Variants in ARHGAP32 observed in about 807,000 individuals in gnomAD.
ARHGAP32 encodes rho GTPase-activating protein 32.
Under a neutral mutation model 186.5 loss-of-function variants are expected in ARHGAP32, and 51 were observed. The observed-to-expected ratio is 0.27, with a 90% CI of 0.22 to 0.35. The LOEUF is 0.35. ARHGAP32 is among the 10% of genes least tolerant of loss of function. The pLI is 1.00. For missense variants in ARHGAP32, 2,186 were observed against 2,623.5 expected, an observed-to-expected ratio of 0.83 and a Z score of 3.64; for synonymous variants, 950 against 964.3, an observed-to-expected ratio of 0.99 and a Z score of 0.27.
chr11:129,091,941 G>A (rs1259276963), intron 6 of ARHGAP32, among the ~76,000 whole-genome samples: 1 of 151,998 alleles, frequency 6.6e-6, no homozygotes, highest in African/African-American at 2.4e-5. Context: ...CAAGAATACA[G>A]GAGTAAGCCA....
intron 1 of ARHGAP32, among the ~76,000 whole-genome samples, chr11:129,237,429 T>C (rs940009330): frequency 6.6e-6 from 1 of 152,160 alleles, no homozygotes; most frequent in African/African-American, 2.4e-5. Context: ...CTTTACATTC[T>C]AGTGGGGATT....
intron 1 of ARHGAP32, among the ~76,000 whole-genome samples, chr11:129,212,731 T>C (rs759353950): frequency 7.9e-5 from 12 of 152,188 alleles, no homozygotes; most frequent in Admixed American, 2.0e-4. Flanking sequence ...CAAAACTTCA[T>C]AGCATAACTT....
rs56090706 is a variant in ARHGAP32 at position 128,989,516 on chromosome 11, TCACACACA to T, written c.1196-1399_1196-1392del. 4.5e-3 allele frequency among the ~76,000 whole-genome samples: 623 copies of T among 139,036 alleles called. 1 individual carries two copies. Among genetic ancestry groups the T allele is most frequent in the African/African-American group, 4.9e-3 (178 of 36,608 alleles). 91.2% of individuals were successfully genotyped at this position (139,036 alleles called of 152,430 possible). A position where few individuals can be genotyped will look rare whatever the true frequency, so the allele number is the denominator to read the frequency against. Reference sequence around the variant, plus strand: ...CAATGCTTTTGTTTTGTTTTTTATTTCACACACACACACACACACACACACACACACAC... The same window carrying T: ...CAATGCTTTTGTTTTGTTTTTTATTTCACACACACACACACACACACACAC... On this transcript the variant is annotated intron_variant, in intron 12 of 22. Coordinates refer to ENST00000682385, the MANE Select transcript of ARHGAP32 (RefSeq NM_001378024.1).
At chr11:129,223,389 C>G (rs1944737437) in intron 1 of ARHGAP32, among the ~76,000 whole-genome samples, 1 of 152,154 alleles carries the variant, frequency 6.6e-6, no homozygotes, top group Non-Finnish European at 1.5e-5. Flanking sequence ...TTGTTTCTTA[C>G]ATTTTCCTTT....
chr11:129,112,235 TC>T (rs1227521346), intron 5 of ARHGAP32, among the ~76,000 whole-genome samples: 1 of 144,266 alleles, frequency 6.9e-6, no homozygotes, highest in Non-Finnish European at 1.5e-5. Flanking sequence ...AGAGCAAGAC[TC>T]AAAAAAAAAA....
In ARHGAP32 at chr11:129,238,465, A is replaced by C. The variant is rs935737909; in HGVS notation, c.-5+40681T>G. On this transcript the variant is annotated intron_variant, in intron 1 of 6. Transcript: ENST00000525234. Reference sequence around the variant, plus strand: ...AGGGATTTCATGCACTACTGGATTTACTAGTCATTTCAGCCTCCACTACCA... The same window carrying C: ...AGGGATTTCATGCACTACTGGATTTCCTAGTCATTTCAGCCTCCACTACCA... Among the ~76,000 whole-genome samples the C allele has an allele frequency of 5.9e-5, 9 of 152,206 alleles. No homozygotes were observed. In the East Asian group the frequency reaches 1.7e-3, roughly 29 times the overall value.
chr11:129,111,058 T>C (rs1942199047), intron 5 of ARHGAP32, among the ~76,000 whole-genome samples: 1 of 152,186 alleles, frequency 6.6e-6, no homozygotes, highest in African/African-American at 2.4e-5. Context: ...TGTTAGGTGT[T>C]GGTCTGTCAT....
chr11:129,187,117 T>G (rs1240381454), intron 1 of ARHGAP32, among the ~76,000 whole-genome samples: 1 of 152,196 alleles, frequency 6.6e-6, no homozygotes, highest in Non-Finnish European at 1.5e-5. Context: ...GCAACCTAAG[T>G]GTCCATCAAT....
At chr11:129,240,973 G>C (rs1431417612) in intron 1 of ARHGAP32, among the ~76,000 whole-genome samples, 3 of 152,204 alleles carry the variant, frequency 2.0e-5, no homozygotes, top group South Asian at 4.1e-4. Flanking sequence ...CCGTGGTTAA[G>C]AATATGGACT....
chr11:129,075,476 T>A (rs1941006717), intron 6 of ARHGAP32, among the ~76,000 whole-genome samples: 2 of 152,110 alleles, frequency 1.3e-5, no homozygotes, highest in South Asian at 4.1e-4. Context: ...AAAAACAGAC[T>A]ATGAAAGTAC....
At chr11:129,074,965 G>C (rs150392402) in intron 6 of ARHGAP32, among the ~76,000 whole-genome samples, 1 of 151,964 alleles carries the variant, frequency 6.6e-6, no homozygotes, top group South Asian at 2.1e-4. Flanking sequence ...AGTCATCATC[G>C]CACAACGCAT....
rs778494538 is a variant in ARHGAP32 at position 128,972,829 on chromosome 11, T to A, written c.3677A>T (p.Gln1226Leu). The A allele has an allele frequency of 1.2e-5, 19 of 1,613,876 alleles. No homozygotes were observed. The African/African-American group carries it at 2.1e-4, about 18-fold the overall frequency. Reference protein sequence around the residue: ...QSPPRFYSGDQPPSYLGASVD... With the variant: ...QSPPRFYSGDLPPSYLGASVD... Reference sequence around the variant, plus strand: ...ACTTGCACCAAGATAAGAAGGAGGCTGATCTCCACTGTAGAAACGGGGTGG... The same window carrying A: ...ACTTGCACCAAGATAAGAAGGAGGCAGATCTCCACTGTAGAAACGGGGTGG... The change falls in exon 22 of 23, where the codon CAG becomes CTG. Residue 1226 changes from glutamine (Q) to leucine (L), a missense_variant. Coordinates refer to ENST00000682385, the MANE Select transcript of ARHGAP32 (RefSeq NM_001378024.1).
chr11:129,143,560 C>A (rs150545418), intron 2 of ARHGAP32, among the ~76,000 whole-genome samples: 2 of 152,296 alleles, frequency 1.3e-5, no homozygotes, highest in African/African-American at 2.4e-5. Context: ...AGTGACCAGA[C>A]CAACTCTCAT....
At chr11:129,117,056 T>C (rs555670331) in intron 5 of ARHGAP32, among the ~76,000 whole-genome samples, 1 of 152,048 alleles carries the variant, frequency 6.6e-6, no homozygotes, top group Non-Finnish European at 1.5e-5. Flanking sequence ...TGCAGTATTA[T>C]GTATCATACT....
intron 3 of ARHGAP32, 84 bp from the exon 4 acceptor site, chr11:129,124,013 G>A (rs972680460): frequency 1.3e-5 from 13 of 1,033,030 alleles, no homozygotes; most frequent in Non-Finnish European, 1.7e-5. Flanking sequence ...TAAGTGAAAA[G>A]ATGGTTTTCC....
At chr11:129,209,626 CA>C (rs1316215529) in intron 1 of ARHGAP32, among the ~76,000 whole-genome samples, 4 of 149,326 alleles carry the variant, frequency 2.7e-5, no homozygotes, top group Non-Finnish European at 4.4e-5. Flanking sequence ...TCATTTTTCT[CA>C]AAACTGAAAC....
At chr11:129,248,276 A>AAG in intron 1 of ARHGAP32, among the ~76,000 whole-genome samples, 1 of 152,282 alleles carries the variant, frequency 6.6e-6, no homozygotes, top group Non-Finnish European at 1.5e-5. Context: ...CCATCTAGGA[A>AAG]AGATTTGTTT....
chr11:129,199,358 C>T (rs1203869664), intron 1 of ARHGAP32, among the ~76,000 whole-genome samples: 1 of 152,228 alleles, frequency 6.6e-6, no homozygotes, highest in Non-Finnish European at 1.5e-5. Context: ...CAGTCCTTCC[C>T]ATCACAGGCC....
At chr11:129,112,013 T>C (rs1942231979) in intron 5 of ARHGAP32, among the ~76,000 whole-genome samples, 1 of 152,142 alleles carries the variant, frequency 6.6e-6, no homozygotes, top group Admixed American at 6.5e-5. Context: ...TCTGCCTGCC[T>C]CGGCCTCCCA....
Sources: allele counts gnomAD v4.1 joint callset (sites outside exome capture counted in the v4.1 genomes callset), GRCh38; gene constraint gnomAD v4.1.1; transcripts MANE v1.5; gene names NCBI Gene and HGNC (gene_info 2026-07-23, HGNC 2026-07-21).